Variants in PDE11A observed in about 807,000 individuals in gnomAD.
The protein encoded by PDE11A is dual 3',5'-cyclic-AMP and -GMP phosphodiesterase 11A.
Under a neutral mutation model 100.5 loss-of-function variants are expected in PDE11A, and 100 were observed. That is an observed-to-expected ratio of 1.00 (90% confidence interval 0.85 to 1.18). The LOEUF is 1.18. Among genes scored for constraint, PDE11A ranks in the 50% most tolerant of loss-of-function variants. The pLI, the probability that PDE11A is intolerant of heterozygous loss-of-function variation, is 0.00. For missense variants in PDE11A, 1,141 were observed against 1,152.6 expected, an observed-to-expected ratio of 0.99 and a Z score of 0.15; for synonymous variants, 381 against 420.8, an observed-to-expected ratio of 0.91 and a Z score of 1.16.
chr2:177,775,338 C>T (rs990907506), intron 9 of PDE11A, among the ~76,000 whole-genome samples: 1 of 152,182 alleles, frequency 6.6e-6, no homozygotes, highest in African/African-American at 2.4e-5. Context: ...CCACTCCATC[C>T]AATCAATTAG....
At chr2:177,977,493 C>T (rs1173549329) in intron 2 of PDE11A, among the ~76,000 whole-genome samples, 5 of 107,024 alleles carry the variant, frequency 4.7e-5, no homozygotes, top group African/African-American at 1.1e-4. Context: ...GAATCAATAT[C>T]GTGAAAATGG....
At chr2:178,010,379 A>G (rs1002196997) in intron 2 of PDE11A, among the ~76,000 whole-genome samples, 1 of 152,216 alleles carries the variant, frequency 6.6e-6, no homozygotes, top group Non-Finnish European at 1.5e-5. Context: ...TTGGCTGACC[A>G]AGGAAAACTA....
At chr2:177,882,718 C>A (rs2084363686) in intron 4 of PDE11A, among the ~76,000 whole-genome samples, 1 of 152,114 alleles carries the variant, frequency 6.6e-6, no homozygotes, top group Non-Finnish European at 1.5e-5. Context: ...GTGAAGTAAA[C>A]AAAACATCTC....
At chr2:177,760,393 C>T (rs1419040652) in intron 10 of PDE11A, among the ~76,000 whole-genome samples, 2 of 151,990 alleles carry the variant, frequency 1.3e-5, no homozygotes, top group South Asian at 2.1e-4. Flanking sequence ...ATTATATTAC[C>T]TTTCAAATAT....
At chr2:177,674,553 G>A (rs190646452) in intron 17 of PDE11A, among the ~76,000 whole-genome samples, 12 of 152,038 alleles carry the variant, frequency 7.9e-5, no homozygotes, top group African/African-American at 2.9e-4. Flanking sequence ...TTGGATTTAG[G>A]GCACACCTGG....
At chr2:177,727,589 T>C (rs1399911393) in intron 12 of PDE11A, 69 bp downstream of exon 12, 3 of 907,626 alleles carry the variant, frequency 3.3e-6, no homozygotes, top group Non-Finnish European at 5.6e-6. Context: ...GAAATGGAAA[T>C]GTAAAGGAGA....
At chr2:177,752,199 C>T (rs1057043631) in intron 10 of PDE11A, among the ~76,000 whole-genome samples, 4 of 152,184 alleles carry the variant, frequency 2.6e-5, no homozygotes, top group South Asian at 2.1e-4. Context: ...GAATTTTATA[C>T]GCATATTCTC....
intron 1 of PDE11A, among the ~76,000 whole-genome samples, chr2:178,048,149 G>T (rs1168093173): frequency 6.6e-6 from 1 of 152,188 alleles, no homozygotes. Flanking sequence ...AATCAGAGTT[G>T]TGGTAGTAGA....
chr2:177,812,264 T>C (rs1046154407), intron 9 of PDE11A, among the ~76,000 whole-genome samples: 2 of 152,040 alleles, frequency 1.3e-5, no homozygotes, highest in African/African-American at 4.8e-5. Flanking sequence ...AAAACAAGAT[T>C]GAGAGGTTAA....
At position 178,098,374 on chromosome 2, in the gene PDE11A, C is replaced by T. The variant is rs115561087; in HGVS notation, c.162+5928G>A. Among the ~76,000 whole-genome samples, 532 of 152,188 alleles carry T rather than the reference C, an allele frequency of 3.5e-3. 8 individuals are homozygous for T. Among genetic ancestry groups the T allele is most frequent in the African/African-American group, 0.012 (508 of 41,546 alleles). ...TCACTGGTACTATTTAAATGTAGAA[C>T]AAACATTAAAAACAACTGTGGTAAT... On this transcript the variant is annotated intron_variant, in intron 2 of 20. Transcript: ENST00000358450.
chr2:177,727,817 A>T (rs113781905), intron 11 of PDE11A, 52 bp from the exon 12 acceptor site: 1 of 1,121,174 alleles, frequency 8.9e-7, no homozygotes, highest in Admixed American at 1.7e-5. Flanking sequence ...ATTCTAGTGG[A>T]CCCTTATCTC....
At position 177,808,988 on chromosome 2, in the gene PDE11A, G is replaced by T. The variant is rs554264554; in HGVS notation, c.1737+7841C>A. 8.5e-5 allele frequency among the ~76,000 whole-genome samples: 13 copies of T among 152,316 alleles called. No homozygotes were observed. The South Asian group carries it at 2.7e-3, about 32-fold the overall frequency. On this transcript the variant is annotated intron_variant, in intron 9 of 19. Coordinates refer to ENST00000286063, the MANE Select transcript of PDE11A (RefSeq NM_016953.4). ...CAACCTTAATGAACCTGGAAGACAT[G>T]CCAAGGGAAATAAGCCAGTCACAAA...
At chr2:177,812,697 A>G (rs1042431603) in intron 9 of PDE11A, among the ~76,000 whole-genome samples, 3 of 152,144 alleles carry the variant, frequency 2.0e-5, no homozygotes, top group Non-Finnish European at 4.4e-5. Context: ...AGCAGAGAGG[A>G]AGGGAAATAC....
intron 4 of PDE11A, among the ~76,000 whole-genome samples, chr2:177,889,455 T>G (rs892415889): frequency 7.9e-5 from 12 of 152,120 alleles, no homozygotes; most frequent in African/African-American, 2.4e-4. Flanking sequence ...TTTATTTCAG[T>G]AAAATGTCCT....
chr2:177,945,808 T>G (rs1432651011), intron 2 of PDE11A, among the ~76,000 whole-genome samples: 1 of 114,506 alleles, frequency 8.7e-6, no homozygotes. Flanking sequence ...CGGCCAGCCG[T>G]GCCATCCGGG....
At chr2:177,660,489 T>C (rs909808069) in intron 19 of PDE11A, among the ~76,000 whole-genome samples, 1 of 152,216 alleles carries the variant, frequency 6.6e-6, no homozygotes, top group African/African-American at 2.4e-5. Flanking sequence ...TTTTTATATA[T>C]TTTCTGTCTG....
At chr2:177,941,883 A>G (rs772197996) in intron 2 of PDE11A, among the ~76,000 whole-genome samples, 16 of 152,198 alleles carry the variant, frequency 1.1e-4, no homozygotes, top group Non-Finnish European at 2.4e-4. Flanking sequence ...ATATTTTGGC[A>G]TATGATTTAC....
At chr2:177,946,450 G>A (rs1574299504) in intron 2 of PDE11A, among the ~76,000 whole-genome samples, 7 of 36,210 alleles carry the variant, frequency 1.9e-4, no homozygotes, top group African/African-American at 2.9e-4. Flanking sequence ...CCGTCCGGGA[G>A]GGAGGTGGGG....
intron 10 of PDE11A, among the ~76,000 whole-genome samples, chr2:177,739,531 C>T (rs951476236): frequency 2.0e-5 from 3 of 152,132 alleles, no homozygotes; most frequent in Non-Finnish European, 4.4e-5. Flanking sequence ...GCTAGTTACC[C>T]AATCATCACC....
Sources: allele counts gnomAD v4.1 joint callset (sites outside exome capture counted in the v4.1 genomes callset), GRCh38; gene constraint gnomAD v4.1.1; transcripts MANE v1.5; gene names NCBI Gene and HGNC (gene_info 2026-07-23, HGNC 2026-07-21).